The following FOXP2 variants were observed in gnomAD, a reference collection of about 807,000 sequenced individuals.
FOXP2 encodes the protein forkhead box protein P2.
In FOXP2, 12 loss-of-function variants were observed where a neutral mutation model predicts 115.8. That is an observed-to-expected ratio of 0.10 (90% CI 0.07 to 0.17). The LOEUF (loss-of-function observed/expected upper bound fraction) is 0.17. Ranked by LOEUF, FOXP2 falls within the 10% of genes least tolerant of loss-of-function variation. The pLI is 1.00. For missense variants in FOXP2, 629 were observed against 843.5 expected, an observed-to-expected ratio of 0.75 and a Z score of 3.15; for synonymous variants, 328 against 297.7, an observed-to-expected ratio of 1.10 and a Z score of -1.05.
intron 1 of FOXP2, among the ~76,000 whole-genome samples, chr7:114,221,420 A>AC: frequency 6.6e-6 from 1 of 152,138 alleles, no homozygotes; most frequent in East Asian, 1.9e-4. Context: ...TAACTCCAAT[A>AC]TTTTTTTAAG....
intron 2 of FOXP2, among the ~76,000 whole-genome samples, chr7:114,382,186 G>A (rs1355917132): frequency 6.6e-6 from 1 of 152,164 alleles, no homozygotes; most frequent in African/African-American, 2.4e-5. Flanking sequence ...GACAGATCTG[G>A]AGGACAGTTG....
At chr7:114,181,298 T>C (rs1238014113) in intron 1 of FOXP2, among the ~76,000 whole-genome samples, 2 of 148,528 alleles carry the variant, frequency 1.3e-5, no homozygotes, top group Non-Finnish European at 3.0e-5. Flanking sequence ...ATATATAAAA[T>C]GAAGGATTAA....
At chr7:114,677,180 A>AAAAACC (rs1554443473) in intron 16 of FOXP2, among the ~76,000 whole-genome samples, 5 of 147,940 alleles carry the variant, frequency 3.4e-5, no homozygotes, top group Admixed American at 6.8e-5. Context: ...AACAAAAAAA[A>AAAAACC]AAAAAACAAA....
At chr7:114,614,670 G>A (rs998142395) in intron 3 of FOXP2, among the ~76,000 whole-genome samples, 15 of 151,752 alleles carry the variant, frequency 9.9e-5, no homozygotes, top group Non-Finnish European at 2.9e-5. Flanking sequence ...GCTAACATAC[G>A]GAGCAAAGTA....
intron 7 of FOXP2, among the ~76,000 whole-genome samples, chr7:114,644,335 G>C (rs1805750462): frequency 6.6e-6 from 1 of 152,018 alleles, no homozygotes; most frequent in Non-Finnish European, 1.5e-5. Context: ...TTATTCTCTT[G>C]AAAATAAAGG....
At chr7:114,292,647 T>C (rs1796635507) in intron 2 of FOXP2, among the ~76,000 whole-genome samples, 1 of 152,160 alleles carries the variant, frequency 6.6e-6, no homozygotes, top group Non-Finnish European at 1.5e-5. Flanking sequence ...TATATTTTTC[T>C]TATTTCTTAC....
chr7:114,246,024 T>C (rs373494073), intron 1 of FOXP2, among the ~76,000 whole-genome samples: 4 of 152,128 alleles, frequency 2.6e-5, no homozygotes, highest in East Asian at 3.8e-4. Flanking sequence ...TGAAAACTTA[T>C]TGAACATTTC....
intron 2 of FOXP2, among the ~76,000 whole-genome samples, chr7:114,453,607 T>G (rs1795160973): frequency 6.6e-6 from 1 of 152,182 alleles, no homozygotes. Flanking sequence ...TCTTACTTCC[T>G]GGACCAAGAG....
At chr7:114,246,497 G>A (rs185440573) in intron 1 of FOXP2, among the ~76,000 whole-genome samples, 21 of 151,944 alleles carry the variant, frequency 1.4e-4, no homozygotes, top group African/African-American at 5.1e-4. Context: ...CACTTTACAG[G>A]GCCTTTTATA....
chr7:114,612,822 A>G (rs1477105799), intron 3 of FOXP2, among the ~76,000 whole-genome samples: 1 of 152,194 alleles, frequency 6.6e-6, no homozygotes, highest in Non-Finnish European at 1.5e-5. Context: ...GTGTTCTTGA[A>G]GCGATCTAAT....
chr7:114,445,506 A>G (rs1794794870), intron 2 of FOXP2, among the ~76,000 whole-genome samples: 1 of 152,128 alleles, frequency 6.6e-6, no homozygotes, highest in Non-Finnish European at 1.5e-5. Context: ...ATTTTATTTA[A>G]AATCAAAGAT....
At chr7:114,537,753 TA>T (rs1799467445) in intron 3 of FOXP2, among the ~76,000 whole-genome samples, 2 of 151,690 alleles carry the variant, frequency 1.3e-5, no homozygotes, top group African/African-American at 4.8e-5. Flanking sequence ...CATGTATAGA[TA>T]TCTGAATATA....
intron 2 of FOXP2, among the ~76,000 whole-genome samples, chr7:114,404,910 T>C (rs2129197434): frequency 6.6e-6 from 1 of 152,148 alleles, no homozygotes; most frequent in African/African-American, 2.4e-5. Context: ...CGTGGTATTT[T>C]AGTGTTTAGC....
upstream of FOXP2, among the ~76,000 whole-genome samples, chr7:114,409,399 CA>C (rs1562908724): frequency 6.6e-6 from 1 of 152,082 alleles, no homozygotes; most frequent in Non-Finnish European, 1.5e-5. Context: ...ACAGATATGT[CA>C]AAATATCAGT....
chr7:114,548,753 T>A (rs1800057070), intron 3 of FOXP2, among the ~76,000 whole-genome samples: 1 of 152,210 alleles, frequency 6.6e-6, no homozygotes, highest in Non-Finnish European at 1.5e-5. Flanking sequence ...TACTGCTGAA[T>A]GTTGGCAGTG....
intron 6 of FOXP2, among the ~76,000 whole-genome samples, chr7:114,634,451 T>G (rs952320241): frequency 6.6e-6 from 1 of 152,050 alleles, no homozygotes; most frequent in Admixed American, 6.6e-5. Context: ...CAGATTTATC[T>G]ACATTCCTCT....
At chr7:114,145,023 A>G (rs978285899) in intron 1 of FOXP2, among the ~76,000 whole-genome samples, 1 of 152,176 alleles carries the variant, frequency 6.6e-6, no homozygotes, top group African/African-American at 2.4e-5. Flanking sequence ...TCTTTGAACT[A>G]CTGGGATGGC....
chr7:114,642,901 C>T (rs1176082853), intron 7 of FOXP2, among the ~76,000 whole-genome samples: 2 of 147,520 alleles, frequency 1.4e-5, no homozygotes, highest in South Asian at 2.1e-4. Flanking sequence ...CTCCGCCTCC[C>T]GGGTTCCTGC....
chr7:114,316,833 T>C (rs1313222817), intron 2 of FOXP2, among the ~76,000 whole-genome samples: 4 of 151,960 alleles, frequency 2.6e-5, no homozygotes, highest in Non-Finnish European at 4.4e-5. Context: ...AAAAACTTTC[T>C]AATTTTTTTT....
Sources: gnomAD v4.1 joint callset for allele counts (sites outside exome capture counted in the v4.1 genomes callset) on GRCh38, gnomAD v4.1.1 for gene constraint, MANE v1.5 for transcripts, NCBI Gene and HGNC (gene_info 2026-07-23, HGNC 2026-07-21) for gene names.